PTPN23: variants seen among roughly 807,000 people sequenced by gnomAD.
The protein encoded by PTPN23 is tyrosine-protein phosphatase non-receptor type 23.
In PTPN23, 72 loss-of-function variants were observed where a neutral mutation model predicts 156.3. The observed-to-expected ratio is 0.46, with a 90% confidence interval of 0.38 to 0.56. The LOEUF is 0.56. PTPN23 is among the 20% of genes least tolerant of loss of function. The pLI is 0.00. For missense variants in PTPN23, 1,974 were observed against 2,171.5 expected, an observed-to-expected ratio of 0.91 and a Z score of 1.81; for synonymous variants, 957 against 899.6, an observed-to-expected ratio of 1.06 and a Z score of -1.14.
At chr3:47,382,902 A>G (rs1222065310) in intron 1 of PTPN23, among the ~76,000 whole-genome samples, 2 of 150,656 alleles carry the variant, frequency 1.3e-5, no homozygotes, top group East Asian at 3.9e-4. Flanking sequence ...GTTAGCCAGG[A>G]TAGTCTCGAT....
At chr3:47,393,193 C>T (rs1168587558) in intron 1 of PTPN23, among the ~76,000 whole-genome samples, 1 of 151,882 alleles carries the variant, frequency 6.6e-6, no homozygotes, top group Non-Finnish European at 1.5e-5. Flanking sequence ...TGCTGTGTGG[C>T]CAAGGCTGGA....
chr3:47,391,003 G>A (rs1385747630), intron 1 of PTPN23, among the ~76,000 whole-genome samples: 1 of 152,166 alleles, frequency 6.6e-6, no homozygotes, highest in Admixed American at 6.5e-5. Flanking sequence ...CCAACACTTT[G>A]GGAGTCTGAG....
In PTPN23 at chr3:47,406,938, G is replaced by A. The variant is rs1705140461; in HGVS notation, c.807+188G>A. Among the ~76,000 whole-genome samples the A allele has an allele frequency of 1.3e-5, 2 of 152,152 alleles. No homozygotes were observed. Among genetic ancestry groups the A allele is most frequent in the African/African-American group, 4.8e-5 (2 of 41,440 alleles). On this transcript the variant is annotated intron_variant, in intron 9 of 24. Transcript: ENST00000265562. This position sits in a 1 kb window ranked among gnomAD's most constrained non-coding sequence, Gnocchi z 5.8. ...CTCGTCCCTCGGGGTCTGAGGAGGTGGGGCAGGCTCCCTACAGAGCAGGTG... is the reference window on the plus strand; with the variant it reads ...CTCGTCCCTCGGGGTCTGAGGAGGTAGGGCAGGCTCCCTACAGAGCAGGTG...
At chr3:47,382,234 A>G (rs1704558405) in intron 1 of PTPN23, among the ~76,000 whole-genome samples, 2 of 152,122 alleles carry the variant, frequency 1.3e-5, no homozygotes, top group Admixed American at 1.3e-4. Context: ...GGGGCCAGGA[A>G]ATGAGGGTAA....
rs1019116668 is a variant in PTPN23 at position 47,392,789 on chromosome 3, T to C, written c.85-3354T>C. Among the ~76,000 whole-genome samples the C allele has an allele frequency of 8.5e-5, 13 of 152,290 alleles. No individual in the cohort carries two copies. In the South Asian group the frequency reaches 1.2e-3, roughly 15 times the overall value. ...TTCAGCAACTCTTAAGACATTTGTT[T>C]TCCAAATTTCAAACATATAGAAAAA... On this transcript the variant is annotated intron_variant, in intron 1 of 24. Coordinates refer to ENST00000265562, the MANE Select transcript of PTPN23 (RefSeq NM_015466.4).
In PTPN23 at chr3:47,411,179, G is replaced by C. The variant is rs1426534523; in HGVS notation, c.3381G>C (p.Gln1127His). Residue 1127 changes from glutamine (Q) to histidine (H), a missense_variant, in exon 20 of 25, where the codon CAG becomes CAC. Physicochemically the swap from Gln to His is conservative, Grantham distance 24 (BLOSUM62 0). Around this residue, in one of 4 missense-constraint regions of PTPN23, gnomAD observed 731 missense variants for 669.1 expected, o/e 1.09. Coordinates refer to ENST00000265562, the MANE Select transcript of PTPN23 (RefSeq NM_015466.4). This position sits in a 1 kb window ranked among gnomAD's most constrained non-coding sequence, Gnocchi z 6.3. ...ADLLSSSPES[Q>H]HGGTQSPGGG... Reference sequence around the variant, plus strand: ...TGCTCTCCTCCAGCCCGGAGAGCCAGCATGGCGGCACTCAGTCTCCTGGGG... The same window carrying C: ...TGCTCTCCTCCAGCCCGGAGAGCCACCATGGCGGCACTCAGTCTCCTGGGG... 6.2e-7 allele frequency: 1 copy of C among 1,603,236 alleles called. No individual in the cohort carries two copies. The highest frequency in any genetic ancestry group is 8.5e-7 in the Non-Finnish European group (1 of 1,177,138).
chr3:47,387,902 G>C (rs998952959), intron 1 of PTPN23, among the ~76,000 whole-genome samples: 1 of 152,192 alleles, frequency 6.6e-6, no homozygotes, highest in African/African-American at 2.4e-5. Flanking sequence ...TCTGTGGTTT[G>C]CCCTTTCTCT....
intron 2 of PTPN23, among the ~76,000 whole-genome samples, chr3:47,400,284 G>T (rs748093212): frequency 1.3e-5 from 2 of 152,226 alleles, no homozygotes; most frequent in Non-Finnish European, 2.9e-5. Context: ...TTTCTAGGAA[G>T]ACTTTCCTTT....
intron 3 of PTPN23, 51 bp from the exon 4 acceptor site, chr3:47,404,954 G>A: frequency 6.2e-7 from 1 of 1,609,804 alleles, no homozygotes; most frequent in East Asian, 2.2e-5. Context: ...CCTAATCTCA[G>A]GGCCCTGGCT....
chr3:47,384,612 G>T (rs531147193), intron 1 of PTPN23, among the ~76,000 whole-genome samples: 1 of 152,202 alleles, frequency 6.6e-6, no homozygotes, highest in South Asian at 2.1e-4. Flanking sequence ...AGAGGGCTGG[G>T]CTTTTGACAA....
At chr3:47,403,352 A>G (rs988808412) in intron 2 of PTPN23, among the ~76,000 whole-genome samples, 6 of 150,656 alleles carry the variant, frequency 4.0e-5, no homozygotes, top group Non-Finnish European at 7.4e-5. Flanking sequence ...GCACCTGGCC[A>G]CATTCTTTTC....
chr3:47,410,909 C>A lies in PTPN23; in HGVS notation c.3111C>A (p.Pro1037=), dbSNP rs1249005849. 2 of 1,611,898 alleles carry A rather than the reference C, an allele frequency of 1.2e-6. No homozygotes were observed. Among genetic ancestry groups the A allele is most frequent in the African/African-American group, 2.7e-5 (2 of 74,884 alleles). ...LPAHSGALPF[P]SPGPPQPPHP... The stretch of plus-strand genomic sequence containing the variant: ...CCCACTCAGGGGCTCTGCCTTTCCC[C>A]AGCCCTGGGCCCCCTCAGCCTCCCC... The change falls in exon 20 of 25, where the codon CCC becomes CCA. Residue 1037 remains proline, a synonymous_variant. Coordinates refer to ENST00000265562, the MANE Select transcript of PTPN23 (RefSeq NM_015466.4).
chr3:47,399,710 T>G (rs1205715955), intron 2 of PTPN23, among the ~76,000 whole-genome samples: 1 of 152,188 alleles, frequency 6.6e-6, no homozygotes, highest in African/African-American at 2.4e-5. Flanking sequence ...CCTGTGCTTT[T>G]CCAGTGCGAA....
At position 47,411,641 on chromosome 3, in the gene PTPN23, A is replaced by G. The variant is rs1207212131; in HGVS notation, c.3843A>G (p.Lys1281=). ...ADFWLMVHEQ[K]VSVIVMLVSE... Reference sequence around the variant, plus strand: ...TCTGGCTCATGGTCCATGAGCAGAAAGTGTCAGTCATTGTCATGCTGGTTT... The same window carrying G: ...TCTGGCTCATGGTCCATGAGCAGAAGGTGTCAGTCATTGTCATGCTGGTTT... The change falls in exon 20 of 25, where the codon AAA becomes AAG. Residue 1281 remains lysine, a synonymous_variant. Coordinates refer to ENST00000265562, the MANE Select transcript of PTPN23 (RefSeq NM_015466.4). This position sits in a 1 kb window ranked among gnomAD's most constrained non-coding sequence, Gnocchi z 6.3. 6.2e-7 allele frequency: 1 copy of G among 1,609,476 alleles called. No individual in the cohort carries two copies. The highest frequency in any genetic ancestry group is 1.3e-5 in the African/African-American group (1 of 74,944).
chr3:47,393,414 A>G (rs1317267407), intron 1 of PTPN23, among the ~76,000 whole-genome samples: 1 of 152,176 alleles, frequency 6.6e-6, no homozygotes, highest in South Asian at 2.1e-4. Flanking sequence ...TGGCCTCCCA[A>G]AGTGTTGGGA....
At position 47,405,106 on chromosome 3, in the gene PTPN23, G is replaced by C; in HGVS notation, c.364+25G>C. Reference sequence around the variant, plus strand: ...GGTGAGCTGCCTGATCCCTTCCCCCGGCCCTACTCCCCAGTCCTGCCAGCC... The same window carrying C: ...GGTGAGCTGCCTGATCCCTTCCCCCCGCCCTACTCCCCAGTCCTGCCAGCC... On this transcript the variant is annotated intron_variant, in intron 4 of 24. Coordinates refer to ENST00000265562, the MANE Select transcript of PTPN23 (RefSeq NM_015466.4). The surrounding 1 kb of genome is among the most constrained non-coding windows in gnomAD (Gnocchi z 4.7). 1.2e-6 allele frequency: 2 copies of C among 1,608,642 alleles called. No individual in the cohort carries two copies. The highest frequency in any genetic ancestry group is 2.2e-5 in the South Asian group (2 of 90,966).
In PTPN23 at chr3:47,410,098, C is replaced by T. The variant is rs1448704047; in HGVS notation, c.2300C>T (p.Thr767Ile). 3.1e-6 allele frequency: 5 copies of T among 1,606,976 alleles called. No homozygotes were observed. Among genetic ancestry groups the T allele is most frequent in the Non-Finnish European group, 3.4e-6 (4 of 1,176,270 alleles). Residue 767 changes from threonine to isoleucine, a missense_variant, in exon 20 of 25, where the codon ACC becomes ATC. Physicochemically the swap from Thr to Ile is moderately conservative, Grantham distance 89. Coordinates refer to ENST00000265562, the MANE Select transcript of PTPN23 (RefSeq NM_015466.4). ...CCTGACACCTTCCTGGGAAGTGCCA[C>T]CCCGCTCCACTTTCCTCCCAGCCCC... is the stretch of plus-strand genomic sequence containing the variant. ...RLPDTFLGSATPLHFPPSPFP... is the reference protein window; with the variant it reads ...RLPDTFLGSAIPLHFPPSPFP...
intron 2 of PTPN23, among the ~76,000 whole-genome samples, chr3:47,398,679 C>T (rs1704930309): frequency 6.6e-6 from 1 of 152,082 alleles, no homozygotes; most frequent in Admixed American, 6.6e-5. Flanking sequence ...CATCCTCCCA[C>T]TGCAGCCCCC....
Position 47,409,699 on chromosome 3 carries a change from A to G in PTPN23, c.1994A>G (p.Tyr665Cys), listed in dbSNP as rs548007663. ...ACCCTGGTGGCCTCGTATGAAGCCTATGAGGACCTGATGAAGAAGTCGCAG... is the reference window on the plus strand; with the variant it reads ...ACCCTGGTGGCCTCGTATGAAGCCTGTGAGGACCTGATGAAGAAGTCGCAG... The part of the protein sequence containing the change: ...LQTLVASYEA[Y>C]EDLMKKSQEG... Residue 665 changes from tyrosine to cysteine, a missense_variant, in exon 19 of 25, where the codon TAT becomes TGT. This residue lies in a region of PTPN23 where 726 missense variants were observed against 929.5 expected (regional missense o/e 0.78). Transcript: ENST00000265562. The G allele has an allele frequency of 1.1e-5, 17 of 1,609,268 alleles. No individual in the cohort carries two copies. The highest frequency in any genetic ancestry group is 3.3e-5 in the Admixed American group (2 of 59,958).
Sources: allele counts gnomAD v4.1 joint callset (sites outside exome capture counted in the v4.1 genomes callset), GRCh38; gene constraint gnomAD v4.1.1; regional missense constraint gnomAD v4.1.1; non-coding constraint Gnocchi (gnomAD v3.1); transcripts MANE v1.5; gene names NCBI Gene and HGNC (gene_info 2026-07-23, HGNC 2026-07-21).